Variants in PPFIA2 observed in about 807,000 individuals in gnomAD.
The protein encoded by PPFIA2 is liprin-alpha-2.
Under a neutral mutation model 175.5 loss-of-function variants are expected in PPFIA2, and 46 were observed. The observed-to-expected ratio is 0.26, with a 90% CI of 0.21 to 0.34. PPFIA2 has a LOEUF of 0.34. Ranked by LOEUF, PPFIA2 falls within the 10% of genes least tolerant of loss-of-function variation. The pLI is 1.00. For synonymous variants in PPFIA2, 568 were observed against 511.4 expected, an observed-to-expected ratio of 1.11 and a Z score of -1.49; for missense variants, 1,179 against 1,506.1, an observed-to-expected ratio of 0.78 and a Z score of 3.60.
At chr12:81,650,254 C>A (rs1342294534) in intron 4 of PPFIA2, among the ~76,000 whole-genome samples, 8 of 151,872 alleles carry the variant, frequency 5.3e-5, no homozygotes, top group Non-Finnish European at 2.9e-5. Flanking sequence ...CGTGATCTGC[C>A]CACCTCGGCC....
chr12:81,311,941 C>T (rs1043610068), intron 22 of PPFIA2: 2 of 564,796 alleles, frequency 3.5e-6, no homozygotes, highest in Admixed American at 3.1e-5. Flanking sequence ...TGAAGAAATA[C>T]AAGTGCCCAA....
At chr12:81,650,253 C>A (rs530777607) in intron 4 of PPFIA2, among the ~76,000 whole-genome samples, 1 of 152,164 alleles carries the variant, frequency 6.6e-6, no homozygotes, top group Admixed American at 6.5e-5. Context: ...TCGTGATCTG[C>A]CCACCTCGGC....
At chr12:81,302,024 G>C (rs945175108) in intron 22 of PPFIA2, among the ~76,000 whole-genome samples, 1 of 152,134 alleles carries the variant, frequency 6.6e-6, no homozygotes, top group South Asian at 2.1e-4. Context: ...AGATGAATTT[G>C]AAGTCTAGAA....
At chr12:81,507,983 T>C (rs188628406) in intron 4 of PPFIA2, among the ~76,000 whole-genome samples, 1 of 152,156 alleles carries the variant, frequency 6.6e-6, no homozygotes, top group East Asian at 1.9e-4. Context: ...GTATTAGACA[T>C]TTAAAAAAAA....
At chr12:81,326,571 G>T (rs988681622) in intron 21 of PPFIA2, among the ~76,000 whole-genome samples, 1 of 152,026 alleles carries the variant, frequency 6.6e-6, no homozygotes, top group Non-Finnish European at 1.5e-5. Flanking sequence ...TAGGTCATAA[G>T]TTCTCATTTA....
chr12:81,489,949 C>G (rs527577842), intron 4 of PPFIA2, among the ~76,000 whole-genome samples: 1 of 152,000 alleles, frequency 6.6e-6, no homozygotes, highest in East Asian at 1.9e-4. Context: ...AAAGTTCTCT[C>G]TCTGTCCATC....
At chr12:81,576,798 A>G (rs946467287) in intron 4 of PPFIA2, among the ~76,000 whole-genome samples, 2 of 151,830 alleles carry the variant, frequency 1.3e-5, no homozygotes, top group Non-Finnish European at 1.5e-5. Context: ...ATTTTAAAAC[A>G]AGTTATTCAA....
chr12:81,343,898 A>G (rs2058590953), intron 19 of PPFIA2, among the ~76,000 whole-genome samples: 1 of 152,208 alleles, frequency 6.6e-6, no homozygotes, highest in East Asian at 1.9e-4. Context: ...GAAATAGCAC[A>G]TCACTCACCT....
At chr12:81,330,256 T>C (rs916241253) in intron 21 of PPFIA2, among the ~76,000 whole-genome samples, 1 of 152,118 alleles carries the variant, frequency 6.6e-6, no homozygotes, top group Non-Finnish European at 1.5e-5. Context: ...TGCAATCCCA[T>C]GCCAAAAAAT....
chr12:81,722,942 C>A (rs976291268), intron 3 of PPFIA2, among the ~76,000 whole-genome samples: 2 of 151,060 alleles, frequency 1.3e-5, no homozygotes, highest in Non-Finnish European at 3.0e-5. Flanking sequence ...ATATTAATTA[C>A]CTGTTCAACT....
intron 18 of PPFIA2, among the ~76,000 whole-genome samples, chr12:81,345,883 C>T (rs774083207): frequency 6.6e-6 from 1 of 152,118 alleles, no homozygotes; most frequent in Non-Finnish European, 1.5e-5. Flanking sequence ...TAGTATATCT[C>T]AGCACATTGG....
At chr12:81,355,608 A>C (rs904877359) in intron 16 of PPFIA2, among the ~76,000 whole-genome samples, 2 of 152,192 alleles carry the variant, frequency 1.3e-5, no homozygotes, top group African/African-American at 4.8e-5. Flanking sequence ...CTCATGAATT[A>C]TCGTAGCTAG....
chr12:81,526,605 A>T (rs926568369), intron 4 of PPFIA2, among the ~76,000 whole-genome samples: 1 of 152,228 alleles, frequency 6.6e-6, no homozygotes, highest in Admixed American at 6.5e-5. Context: ...ACATTTGGTC[A>T]TTCAACTAAT....
rs567046417 is a variant in PPFIA2, at chr12:81,664,018, C to A, written c.303+12773G>T. Among the ~76,000 whole-genome samples the A allele has an allele frequency of 1.1e-4, 17 of 152,262 alleles. No homozygotes were observed. The South Asian group carries it at 2.3e-3, about 20-fold the overall frequency. On this transcript the variant is annotated intron_variant, in intron 4 of 32. Transcript: ENST00000549396. ...AAGCTGAAACTGGATCCCTTCCTTA[C>A]ACCTTATACAAAAATAAATTCAACA...
chr12:81,329,725 C>T (rs1181499915), intron 21 of PPFIA2, among the ~76,000 whole-genome samples: 1 of 152,176 alleles, frequency 6.6e-6, no homozygotes, highest in Non-Finnish European at 1.5e-5. Context: ...TCAAAGAAAA[C>T]CCTGAAGGGG....
chr12:81,357,168 G>A (rs1404111560), intron 16 of PPFIA2, among the ~76,000 whole-genome samples: 1 of 152,124 alleles, frequency 6.6e-6, no homozygotes, highest in Non-Finnish European at 1.5e-5. Flanking sequence ...ATTTGTTTTG[G>A]TATCAAGTAG....
chr12:81,355,794 G>A (rs1400145537), intron 16 of PPFIA2, among the ~76,000 whole-genome samples: 1 of 152,154 alleles, frequency 6.6e-6, no homozygotes, highest in Non-Finnish European at 1.5e-5. Flanking sequence ...TAAATGAGGA[G>A]AGTTATGGTC....
At chr12:81,704,850 G>A (rs956261871) in intron 3 of PPFIA2, among the ~76,000 whole-genome samples, 6 of 151,642 alleles carry the variant, frequency 4.0e-5, no homozygotes, top group African/African-American at 1.2e-4. Context: ...TTGGGAGGCC[G>A]AGGCAGGTGG....
At chr12:81,495,353 AC>A (rs1452968765) in intron 4 of PPFIA2, among the ~76,000 whole-genome samples, 6 of 152,134 alleles carry the variant, frequency 3.9e-5, no homozygotes, top group Non-Finnish European at 8.8e-5. Context: ...AATAAAAAAA[AC>A]ATAAATTCTT....
Sources: gnomAD v4.1 joint callset for allele counts (sites outside exome capture counted in the v4.1 genomes callset) on GRCh38, gnomAD v4.1.1 for gene constraint, MANE v1.5 for transcripts, NCBI Gene and HGNC (gene_info 2026-07-23, HGNC 2026-07-21) for gene names.